The following TBX15 variants were observed in gnomAD, a reference collection of about 807,000 sequenced individuals.
The protein encoded by TBX15 is T-box transcription factor 15, also known as T-box transcription factor TBX15.
Under a neutral mutation model 53.9 loss-of-function variants are expected in TBX15, and 18 were observed. The ratio of observed to expected loss-of-function variants is 0.33; its 90% CI spans 0.23 to 0.49. The LOEUF is 0.49. Ranked by LOEUF, TBX15 falls within the 20% of genes least tolerant of loss-of-function variation. The pLI is 0.98. For synonymous variants in TBX15, 295 were observed against 278.0 expected, an observed-to-expected ratio of 1.06 and a Z score of -0.61; for missense variants, 692 against 749.5, an observed-to-expected ratio of 0.92 and a Z score of 0.90.
intron 7 of TBX15, among the ~76,000 whole-genome samples, chr1:118,893,323 AAAG>A (rs1467020477): frequency 7.0e-4 from 92 of 130,938 alleles, no homozygotes; most frequent in African/African-American, 1.4e-3. Flanking sequence ...GGAAAGAAAG[AAAG>A]AAGAAAGAAG....
intron 1 of TBX15, among the ~76,000 whole-genome samples, chr1:118,958,481 C>T (rs1023108735): frequency 2.6e-5 from 4 of 152,278 alleles, no homozygotes; most frequent in East Asian, 1.9e-4. Flanking sequence ...TCCAATATCA[C>T]GCCAATATTT....
intron 7 of TBX15, among the ~76,000 whole-genome samples, chr1:118,889,233 C>G (rs538860514): frequency 6.6e-6 from 1 of 152,324 alleles, no homozygotes; most frequent in South Asian, 2.1e-4. Context: ...AAAGAGAAGA[C>G]TATGGTATTC....
chr1:118,917,590 T>C (rs556213957), intron 5 of TBX15, among the ~76,000 whole-genome samples: 18 of 152,254 alleles, frequency 1.2e-4, no homozygotes, highest in Admixed American at 3.9e-4. Context: ...AATTTAAAAT[T>C]TTTAAAAGAA....
intron 6 of TBX15, among the ~76,000 whole-genome samples, chr1:118,910,576 T>A (rs1654997969): frequency 6.6e-6 from 1 of 152,196 alleles, no homozygotes; most frequent in African/African-American, 2.4e-5. Context: ...ACCTGCAAGG[T>A]GGCATTAATA....
rs771469637 is a variant in TBX15 at position 118,931,721 on chromosome 1, G to A, written c.317C>T (p.Ala106Val). 8 of 1,614,064 alleles carry A rather than the reference G, an allele frequency of 5.0e-6. No homozygotes were observed. In the African/African-American group the frequency reaches 5.3e-5, roughly 11 times the overall value. The change falls in exon 2 of 8, where the codon GCC (alanine) becomes GTC (valine). Residue 106 changes from alanine (A) to valine (V), a missense_variant. Transcript: ENST00000369429. The stretch of plus-strand genomic sequence containing the variant: ...CTGAATCTCCTCCATGGAAGACATG[G>A]CAGCAGGCACAGGGCCTGCAGCACC... ...ASGAAGPVPA[A>V]MSSMEEIQVE...
intron 6 of TBX15, among the ~76,000 whole-genome samples, chr1:118,908,872 C>T (rs946564239): frequency 1.3e-5 from 2 of 151,764 alleles, no homozygotes; most frequent in Non-Finnish European, 2.9e-5. Context: ...CACATAGACA[C>T]ACACTCACAC....
chr1:118,896,402 T>C (rs997195026), intron 7 of TBX15, among the ~76,000 whole-genome samples: 2 of 152,162 alleles, frequency 1.3e-5, no homozygotes, highest in Non-Finnish European at 2.9e-5. Context: ...TGAGTCTTAA[T>C]GACAAGAGAA....
At chr1:118,929,297 A>G (rs190533442) in intron 2 of TBX15, among the ~76,000 whole-genome samples, 40 of 152,324 alleles carry the variant, frequency 2.6e-4, no homozygotes, top group African/African-American at 9.4e-4. Flanking sequence ...GAAAAAGGAG[A>G]GAAAGCCATA....
intron 6 of TBX15, among the ~76,000 whole-genome samples, 195 bp downstream of exon 6, chr1:118,913,920 A>G (rs1474593115): frequency 1.3e-5 from 2 of 152,204 alleles, no homozygotes; most frequent in African/African-American, 4.8e-5. Context: ...AGCATGAGGG[A>G]TTTGATCTGG....
chr1:118,893,482 G>GA (rs1478700550), intron 7 of TBX15, among the ~76,000 whole-genome samples: 50 of 122,750 alleles, frequency 4.1e-4, no homozygotes, highest in South Asian at 3.7e-3. Flanking sequence ...AGGAAGGAAG[G>GA]AAGGAAAGAA....
At chr1:118,981,377 A>G (rs73009561) in intron 1 of TBX15, among the ~76,000 whole-genome samples, 2,174 of 152,006 alleles carry the variant, frequency 0.014, 50 homozygotes, top group African/African-American at 0.049. Flanking sequence ...TCTACATCCA[A>G]TTCAGAACTG....
At chr1:118,918,299 A>G (rs965577882) in intron 5 of TBX15, among the ~76,000 whole-genome samples, 32 of 152,152 alleles carry the variant, frequency 2.1e-4, no homozygotes, top group African/African-American at 7.5e-4. Context: ...TTTATATACC[A>G]TTTAATTAAG....
chr1:118,949,431 G>C (rs1656444723), intron 1 of TBX15, among the ~76,000 whole-genome samples: 1 of 152,208 alleles, frequency 6.6e-6, no homozygotes, highest in Non-Finnish European at 1.5e-5. Flanking sequence ...GGTTTTAATG[G>C]AGAACTAATG....
chr1:118,964,431 G>A (rs1656976044), intron 1 of TBX15, among the ~76,000 whole-genome samples: 1 of 152,152 alleles, frequency 6.6e-6, no homozygotes. Flanking sequence ...TAAGTAAATG[G>A]AAGTCAAGAG....
Position 118,884,936 on chromosome 1 carries a change from C to T in TBX15, c.1605G>A (p.Leu535=), listed in dbSNP as rs368845197. ...SPRLAASPEK[L]SASQSTLLCS... Reference sequence around the variant, plus strand: ...AGAGTAAAGTGCTTTGAGAGGCGCTCAGTTTTTCCGGGCTTGCAGCTAGCC... The same window carrying T: ...AGAGTAAAGTGCTTTGAGAGGCGCTTAGTTTTTCCGGGCTTGCAGCTAGCC... The change falls in exon 8 of 8, where the codon CTG becomes CTA. Residue 535 remains leucine, a synonymous_variant. Coordinates refer to ENST00000369429, the MANE Select transcript of TBX15 (RefSeq NM_001330677.2). The T allele has an allele frequency of 1.6e-5, 26 of 1,614,022 alleles. No individual in the cohort carries two copies. Among genetic ancestry groups the T allele is most frequent in the African/African-American group, 1.5e-4 (11 of 74,924 alleles).
intron 6 of TBX15, among the ~76,000 whole-genome samples, chr1:118,904,961 A>C (rs529776413): frequency 6.6e-6 from 1 of 152,326 alleles, no homozygotes; most frequent in African/African-American, 2.4e-5. Flanking sequence ...GATAATCATA[A>C]TACTTCCTCC....
At chr1:118,934,430 C>T (rs1344010425) in intron 1 of TBX15, among the ~76,000 whole-genome samples, 1 of 152,120 alleles carries the variant, frequency 6.6e-6, no homozygotes, top group Non-Finnish European at 1.5e-5. Context: ...TCAAATCAAT[C>T]AATAAGCACC....
At chr1:118,959,051 A>AGAGAGAGAAT (rs1656782869) in intron 1 of TBX15, among the ~76,000 whole-genome samples, 1 of 144,806 alleles carries the variant, frequency 6.9e-6, no homozygotes. Flanking sequence ...AGAGAGAGAG[A>AGAGAGAGAAT]GAGTATGTGT....
chr1:118,913,722 T>C (rs1447624310), intron 6 of TBX15, among the ~76,000 whole-genome samples: 1 of 152,182 alleles, frequency 6.6e-6, no homozygotes, highest in Non-Finnish European at 1.5e-5. Context: ...AGTAATTTTC[T>C]GAAAAAATGT....
Sources: allele counts gnomAD v4.1 joint callset (sites outside exome capture counted in the v4.1 genomes callset), GRCh38; gene constraint gnomAD v4.1.1; transcripts MANE v1.5; gene names NCBI Gene and HGNC (gene_info 2026-07-23, HGNC 2026-07-21).